The following DLGAP2 variants were observed in gnomAD, a reference collection of about 807,000 sequenced individuals.
The protein encoded by DLGAP2 is disks large-associated protein 2.
DLGAP2 carries 26 observed loss-of-function variants against 100.3 expected under a neutral mutation model. The observed-to-expected ratio is 0.26, with a 90% CI of 0.19 to 0.36. The LOEUF is 0.36. DLGAP2 is among the 10% of genes least tolerant of loss of function. The pLI is 1.00. For synonymous variants in DLGAP2, 886 were observed against 630.1 expected, an observed-to-expected ratio of 1.41 and a Z score of -6.08; for missense variants, 1,858 against 1,453.2, an observed-to-expected ratio of 1.28 and a Z score of -4.53.
intron 3 of DLGAP2, among the ~76,000 whole-genome samples, chr8:1,407,607 T>C (rs1796603143): frequency 1.2e-5 from 1 of 82,876 alleles, no homozygotes; most frequent in Admixed American, 1.1e-4. Flanking sequence ...CACCTCCTCA[T>C]CCTCCAGAGT....
intron 6 of DLGAP2, among the ~76,000 whole-genome samples, chr8:1,573,565 G>A (rs956740168): frequency 6.6e-6 from 1 of 152,100 alleles, no homozygotes; most frequent in Non-Finnish European, 1.5e-5. Context: ...TCTTGCTTAA[G>A]TTATATTTAG....
At chr8:1,080,626 G>T (rs953103496) in intron 2 of DLGAP2, among the ~76,000 whole-genome samples, 1 of 152,218 alleles carries the variant, frequency 6.6e-6, no homozygotes, top group Non-Finnish European at 1.5e-5. Flanking sequence ...AGGCGGAACA[G>T]GGACCTGGGC....
At chr8:1,678,752 T>C in intron 12 of DLGAP2, 123 bp downstream of exon 12, 1 of 1,080,834 alleles carries the variant, frequency 9.3e-7, no homozygotes, top group Non-Finnish European at 1.2e-6. Context: ...GAAATAAATG[T>C]GCTTTCTAGT....
At chr8:996,233 T>C (rs958985139) in intron 2 of DLGAP2, among the ~76,000 whole-genome samples, 2 of 152,148 alleles carry the variant, frequency 1.3e-5, no homozygotes, top group Non-Finnish European at 2.9e-5. Flanking sequence ...GTAACTTTTC[T>C]TTGATTGTGA....
intron 2 of DLGAP2, among the ~76,000 whole-genome samples, chr8:1,203,964 C>T (rs1413792584): frequency 6.6e-6 from 1 of 152,166 alleles, no homozygotes. Flanking sequence ...AAAAATAGGT[C>T]ACTTCCAAAA....
At chr8:879,619 A>G (rs1195995050) in intron 1 of DLGAP2, among the ~76,000 whole-genome samples, 1 of 152,080 alleles carries the variant, frequency 6.6e-6, no homozygotes, top group Non-Finnish European at 1.5e-5. Flanking sequence ...AGAACACACA[A>G]ATCCGTTCTT....
rs1157781136 is a variant in DLGAP2, at chr8:867,119, G to A, written c.19-40793G>A. ...TGTGCCGCCTACCGGCCGTCACCGT[G>A]GGCAAAGTGACCACAGACTTCTCAG... On this transcript the variant is annotated intron_variant, in intron 1 of 14. Coordinates refer to ENST00000637795, the MANE Select transcript of DLGAP2 (RefSeq NM_001346810.2). Among the ~76,000 whole-genome samples, 12 of 152,336 alleles carry A rather than the reference G, an allele frequency of 7.9e-5. No homozygotes were observed. The South Asian group carries it at 2.1e-3, about 26-fold the overall frequency.
At chr8:1,142,448 A>C (rs1249362787) in intron 2 of DLGAP2, among the ~76,000 whole-genome samples, 1 of 152,226 alleles carries the variant, frequency 6.6e-6, no homozygotes, top group Non-Finnish European at 1.5e-5. Flanking sequence ...AGAGATTAGA[A>C]GGGAAGCCAG....
At chr8:1,121,911 C>T (rs914390082) in intron 2 of DLGAP2, among the ~76,000 whole-genome samples, 9 of 152,198 alleles carry the variant, frequency 5.9e-5, no homozygotes, top group African/African-American at 2.2e-4. Context: ...CTATTTTGGC[C>T]ATTTGCTCAG....
chr8:1,511,310 G>A (rs1029299871), intron 4 of DLGAP2, among the ~76,000 whole-genome samples: 2 of 151,176 alleles, frequency 1.3e-5, no homozygotes, highest in African/African-American at 4.9e-5. Context: ...CGTAAGGGCT[G>A]TCTAGTGTAG....
At chr8:1,182,069 A>G (rs1797400916) in intron 2 of DLGAP2, among the ~76,000 whole-genome samples, 1 of 152,222 alleles carries the variant, frequency 6.6e-6, no homozygotes, top group Non-Finnish European at 1.5e-5. Context: ...CATGTGCCTG[A>G]TAGATGGGTC....
intron 3 of DLGAP2, among the ~76,000 whole-genome samples, chr8:1,329,734 G>C (rs1801105763): frequency 6.6e-6 from 1 of 152,188 alleles, no homozygotes; most frequent in African/African-American, 2.4e-5. Context: ...CAGAGACCCT[G>C]GGGCTTGGGG....
At chr8:1,040,141 G>A (rs1022605510) in intron 2 of DLGAP2, among the ~76,000 whole-genome samples, 23 of 139,346 alleles carry the variant, frequency 1.7e-4, no homozygotes, top group Admixed American at 4.4e-4. Flanking sequence ...TGGTCAGCTC[G>A]CTGCACGTGT....
intron 5 of DLGAP2, among the ~76,000 whole-genome samples, chr8:1,551,098 T>G (rs2130525061): frequency 6.6e-6 from 1 of 152,366 alleles, no homozygotes; most frequent in South Asian, 2.1e-4. Context: ...AGCTCTGTTT[T>G]GAAAGGAAAT....
chr8:1,188,026 T>C (rs1250776882), intron 2 of DLGAP2, among the ~76,000 whole-genome samples: 39 of 90,414 alleles, frequency 4.3e-4, no homozygotes, highest in South Asian at 1.2e-3. Flanking sequence ...CGCCCGGGAC[T>C]TCCGTGATGT....
chr8:1,593,207 C>T (rs1796342478), intron 6 of DLGAP2, among the ~76,000 whole-genome samples: 1 of 152,102 alleles, frequency 6.6e-6, no homozygotes, highest in African/African-American at 2.4e-5. Flanking sequence ...GTAATCCCAG[C>T]ACTTTAGGAG....
intron 1 of DLGAP2, among the ~76,000 whole-genome samples, chr8:788,688 C>A (rs1304085866): frequency 6.6e-6 from 1 of 152,212 alleles, no homozygotes; most frequent in Non-Finnish European, 1.5e-5. Context: ...GCTGTTCTGT[C>A]CTCCTTCCTG....
chr8:875,274 T>G lies in DLGAP2; in HGVS notation c.19-32638T>G, dbSNP rs147903924. Among the ~76,000 whole-genome samples the G allele has an allele frequency of 1.7e-3, 266 of 152,304 alleles. 1 individual carries two copies. Among genetic ancestry groups the G allele is most frequent in the African/African-American group, 5.8e-3 (242 of 41,554 alleles). On this transcript the variant is annotated intron_variant, in intron 1 of 14. Coordinates refer to ENST00000637795, the MANE Select transcript of DLGAP2 (RefSeq NM_001346810.2). The stretch of plus-strand genomic sequence containing the variant: ...TATCATTGATATAGTTGGATTTACA[T>G]CTACTGTTTTACTTTTTTCCCCTCA...
chr8:797,777 T>A (rs1796065101), intron 1 of DLGAP2, among the ~76,000 whole-genome samples: 1 of 151,980 alleles, frequency 6.6e-6, no homozygotes, highest in African/African-American at 2.4e-5. Flanking sequence ...TGAGATGGAG[T>A]TTCACTCTTA....
Sources: gnomAD v4.1 joint callset for allele counts (sites outside exome capture counted in the v4.1 genomes callset) on GRCh38, gnomAD v4.1.1 for gene constraint, MANE v1.5 for transcripts, NCBI Gene and HGNC (gene_info 2026-07-23, HGNC 2026-07-21) for gene names.